The following GNA14 variants were observed in gnomAD, a reference collection of about 807,000 sequenced individuals.
The protein encoded by GNA14 is G protein subunit alpha 14.
GNA14 carries 50 observed loss-of-function variants against 42.0 expected under a neutral mutation model. The ratio of observed to expected loss-of-function variants is 1.19; its 90% CI spans 0.95 to 1.51. GNA14 has a LOEUF of 1.51. Ranked by LOEUF, GNA14 falls within the 40% of genes most tolerant of loss-of-function variation. GNA14 has a pLI of 0.00. For missense variants in GNA14, 473 were observed against 446.2 expected, an observed-to-expected ratio of 1.06 and a Z score of -0.54; for synonymous variants, 173 against 163.1, an observed-to-expected ratio of 1.06 and a Z score of -0.46.
intron 2 of GNA14, among the ~76,000 whole-genome samples, chr9:77,479,766 A>C (rs1225452574): frequency 6.6e-6 from 1 of 152,144 alleles, no homozygotes; most frequent in Non-Finnish European, 1.5e-5. Context: ...TGTCCTTCAC[A>C]TCCCTTGTAA....
intron 1 of GNA14, among the ~76,000 whole-genome samples, chr9:77,631,187 T>C (rs762668018): frequency 4.6e-5 from 7 of 152,134 alleles, no homozygotes; most frequent in Non-Finnish European, 8.8e-5. Flanking sequence ...CTTACTTCCA[T>C]CTTATGGTAA....
chr9:77,594,178 A>C (rs144229255), intron 1 of GNA14, among the ~76,000 whole-genome samples: 29 of 152,362 alleles, frequency 1.9e-4, no homozygotes, highest in African/African-American at 6.5e-4. Context: ...GCAGCAACAC[A>C]GTGGAGCAAC....
rs565451878 is a variant in GNA14 at position 77,549,286 on chromosome 9, A to G, written c.125-20033T>C. ...TCTCTAGTTCAACACAAGCCCTCCC[A>G]AGTGCTCTCCCTCATCCTTGTGGTC... On this transcript the variant is annotated intron_variant, in intron 1 of 6. Coordinates refer to ENST00000341700, the MANE Select transcript of GNA14 (RefSeq NM_004297.4). Among the ~76,000 whole-genome samples, 329 of 152,204 alleles carry G rather than the reference A, an allele frequency of 2.2e-3. 1 individual carries two copies. The highest frequency in any genetic ancestry group is 7.6e-3 in the African/African-American group (314 of 41,524).
intron 2 of GNA14, among the ~76,000 whole-genome samples, chr9:77,508,622 G>T (rs1425906368): frequency 6.6e-6 from 1 of 152,176 alleles, no homozygotes; most frequent in East Asian, 1.9e-4. Context: ...TTCATTGATA[G>T]GGTGAGAAGC....
At chr9:77,530,795 G>A (rs1837515376) in intron 1 of GNA14, among the ~76,000 whole-genome samples, 1 of 152,204 alleles carries the variant, frequency 6.6e-6, no homozygotes, top group Non-Finnish European at 1.5e-5. Context: ...CCCCAGATGG[G>A]GGAGTGTCCT....
rs1837249674 is a variant in GNA14, at chr9:77,515,967, A to AAAAACAAAAAC, written c.309+13101_309+13102insGTTTTTGTTTT. On this transcript the variant is annotated intron_variant, in intron 2 of 6. Transcript: ENST00000341700. ...CAGCAAGACCCTGTCTCACAAAAAA[A>AAAAACAAAAAC]AAAAAAAAAAAAAAAACCCAGAGCA... 2.4e-4 allele frequency among the ~76,000 whole-genome samples: 33 copies of AAAAACAAAAAC among 139,194 alleles called. 1 individual carries two copies. The South Asian group carries it at 7.3e-3, about 31-fold the overall frequency. The allele number at this position is 139,194 out of a possible 152,430, so 91.3% of individuals were successfully genotyped here.
At chr9:77,550,739 T>G (rs1837777485) in intron 1 of GNA14, among the ~76,000 whole-genome samples, 1 of 152,156 alleles carries the variant, frequency 6.6e-6, no homozygotes, top group Non-Finnish European at 1.5e-5. Context: ...TCAAAGAGAA[T>G]CAAATGGGAG....
chr9:77,432,297 C>G (rs1587756629), intron 3 of GNA14, among the ~76,000 whole-genome samples: 1 of 152,182 alleles, frequency 6.6e-6, no homozygotes, highest in African/African-American at 2.4e-5. Context: ...AGGTCACAGG[C>G]AAACCCTGTT....
intron 2 of GNA14, among the ~76,000 whole-genome samples, chr9:77,497,553 C>T (rs988305338): frequency 8.5e-5 from 13 of 152,114 alleles, no homozygotes; most frequent in Admixed American, 6.5e-4. Context: ...CCACTATTGG[C>T]GCATTTTACA....
chr9:77,503,642 C>G (rs917236764), intron 2 of GNA14, among the ~76,000 whole-genome samples: 1 of 145,962 alleles, frequency 6.9e-6, no homozygotes, highest in Non-Finnish European at 1.5e-5. Context: ...AAATTTACAT[C>G]AAATTTCAGG....
intron 4 of GNA14, among the ~76,000 whole-genome samples, chr9:77,429,670 G>C (rs1443132578): frequency 6.6e-6 from 1 of 152,116 alleles, no homozygotes; most frequent in East Asian, 1.9e-4. Context: ...AGCCAAGTGG[G>C]CTCCCCAAAG....
At chr9:77,483,490 T>C (rs778123963) in intron 2 of GNA14, among the ~76,000 whole-genome samples, 10 of 152,046 alleles carry the variant, frequency 6.6e-5, no homozygotes, top group Non-Finnish European at 1.2e-4. Flanking sequence ...TAATAGGGGG[T>C]GCCTCCCAGT....
intron 1 of GNA14, among the ~76,000 whole-genome samples, chr9:77,532,041 G>A (rs149174669): frequency 7.9e-5 from 12 of 152,254 alleles, no homozygotes; most frequent in African/African-American, 2.4e-4. Flanking sequence ...ACACAGCACC[G>A]AGGGCTGAGA....
intron 2 of GNA14, among the ~76,000 whole-genome samples, chr9:77,467,822 G>C (rs1836263494): frequency 6.6e-6 from 1 of 152,080 alleles, no homozygotes; most frequent in East Asian, 1.9e-4. Context: ...AGTGGGTACT[G>C]TGTGTTAGGG....
intron 1 of GNA14, among the ~76,000 whole-genome samples, chr9:77,645,726 G>T (rs1465965059): frequency 2.6e-5 from 4 of 152,132 alleles, no homozygotes; most frequent in Middle Eastern, 3.4e-3. Context: ...CATCAAACAG[G>T]CTTATTACCA....
chr9:77,431,187 A>C (rs1835546143), intron 4 of GNA14, 134 bp downstream of exon 4: 4 of 770,936 alleles, frequency 5.2e-6, no homozygotes, highest in Admixed American at 4.9e-5. Flanking sequence ...CACAATTCTA[A>C]ATACCCTTGG....
intron 1 of GNA14, among the ~76,000 whole-genome samples, chr9:77,642,444 G>A (rs570566243): frequency 6.6e-6 from 1 of 152,286 alleles, no homozygotes; most frequent in Non-Finnish European, 1.5e-5. Context: ...CTATTTTAGA[G>A]TGAACACAAT....
At chr9:77,487,696 C>G (rs551267492) in intron 2 of GNA14, among the ~76,000 whole-genome samples, 17 of 152,224 alleles carry the variant, frequency 1.1e-4, no homozygotes, top group Admixed American at 2.0e-4. Flanking sequence ...CAGCTGAAAA[C>G]TAGGATGTTT....
intron 1 of GNA14, among the ~76,000 whole-genome samples, chr9:77,638,673 C>T (rs1328579183): frequency 6.6e-6 from 1 of 152,124 alleles, no homozygotes; most frequent in Non-Finnish European, 1.5e-5. Flanking sequence ...GGCATTTATT[C>T]CAAGTGTAAG....
Sources: gnomAD v4.1 joint callset for allele counts (sites outside exome capture counted in the v4.1 genomes callset) on GRCh38, gnomAD v4.1.1 for gene constraint, MANE v1.5 for transcripts, NCBI Gene and HGNC (gene_info 2026-07-23, HGNC 2026-07-21) for gene names.